The following GTF3C2 variants were observed in gnomAD, a reference collection of about 807,000 sequenced individuals.
GTF3C2 encodes general transcription factor IIIC subunit 2.
A neutral mutation model predicts 117.4 loss-of-function variants in GTF3C2; 17 were observed. That is an observed-to-expected ratio of 0.14 (90% CI 0.10 to 0.22). GTF3C2 has a LOEUF of 0.22. Among genes scored for constraint, GTF3C2 ranks in the 10% least tolerant of loss-of-function variants. The pLI is 1.00. For missense variants in GTF3C2, 888 were observed against 1,143.6 expected, an observed-to-expected ratio of 0.78 and a Z score of 3.22; for synonymous variants, 437 against 427.0, an observed-to-expected ratio of 1.02 and a Z score of -0.29.
exon 8 of GTF3C2, chr2:27,336,267 A>G (rs1184173554): frequency 1.2e-6 from 2 of 1,614,158 alleles, no homozygotes; most frequent in Non-Finnish European, 1.7e-6. Context: ...AAGCTGGCTC[A>G]GTGGGTGTGT....
chr2:27,338,123 C>T, intron 4 of GTF3C2, 103 bp from the exon 5 acceptor site: 1 of 767,606 alleles, frequency 1.3e-6, no homozygotes, highest in Non-Finnish European at 2.4e-6. Context: ...GGCAATACCT[C>T]CCCCTCCAAT....
intron 7 of GTF3C2, chr2:27,336,882 T>C (rs368760202): frequency 2.0e-5 from 5 of 245,556 alleles, no homozygotes; most frequent in South Asian, 1.4e-4. Flanking sequence ...AGTGCTGAGA[T>C]TACAGGTGTG....
At chr2:27,353,204 C>T (rs1158285618) in intron 1 of GTF3C2, among the ~76,000 whole-genome samples, 1 of 151,980 alleles carries the variant, frequency 6.6e-6, no homozygotes, top group East Asian at 1.9e-4. Flanking sequence ...ACCATCCTGG[C>T]CAACATGGTG....
chr2:27,347,578 A>G (rs1558622604), intron 1 of GTF3C2, among the ~76,000 whole-genome samples: 1 of 152,238 alleles, frequency 6.6e-6, no homozygotes, highest in African/African-American at 2.4e-5. Flanking sequence ...GCATATACCG[A>G]AAGAAAAGGA....
At chr2:27,335,003 T>C (rs1680409325) in intron 10 of GTF3C2, among the ~76,000 whole-genome samples, 2 of 152,136 alleles carry the variant, frequency 1.3e-5, no homozygotes, top group Admixed American at 1.3e-4. Flanking sequence ...TCTGACCTTC[T>C]ATTACCTCCT....
intron 1 of GTF3C2, chr2:27,350,675 G>T: frequency 6.1e-6 from 1 of 163,706 alleles, no homozygotes; most frequent in South Asian, 2.0e-4. Context: ...GGCTGGGTGC[G>T]GTGGCTCATG....
chr2:27,347,925 G>A (rs1426142951), intron 1 of GTF3C2, among the ~76,000 whole-genome samples: 1 of 152,038 alleles, frequency 6.6e-6, no homozygotes, highest in Non-Finnish European at 1.5e-5. Context: ...CTTGAGCCCA[G>A]GAGTTTGAGA....
chr2:27,355,730 C>T (rs1681349061), intron 1 of GTF3C2, among the ~76,000 whole-genome samples: 1 of 152,124 alleles, frequency 6.6e-6, no homozygotes, highest in South Asian at 2.1e-4. Flanking sequence ...CAACACTGCA[C>T]CTTAAGTATG....
intron 1 of GTF3C2, among the ~76,000 whole-genome samples, chr2:27,351,768 G>A (rs1372559960): frequency 6.6e-6 from 1 of 152,182 alleles, no homozygotes; most frequent in African/African-American, 2.4e-5. Context: ...AGGCTCTCAA[G>A]TGGAAGTTGC....
intron 10 of GTF3C2, among the ~76,000 whole-genome samples, chr2:27,334,438 T>C (rs1278473891): frequency 2.6e-5 from 4 of 152,094 alleles, no homozygotes; most frequent in Non-Finnish European, 4.4e-5. Flanking sequence ...TCTCATCCTC[T>C]AGCACCTTTT....
intron 1 of GTF3C2, among the ~76,000 whole-genome samples, chr2:27,346,645 T>C (rs1418073121): frequency 6.6e-6 from 1 of 152,000 alleles, no homozygotes; most frequent in African/African-American, 2.4e-5. Flanking sequence ...AATGCTGGGA[T>C]TACAGGCATA....
intron 15 of GTF3C2, 97 bp from the exon 16 acceptor site, chr2:27,328,693 A>C (rs1342897663): frequency 1.7e-6 from 2 of 1,192,868 alleles, no homozygotes; most frequent in Non-Finnish European, 2.4e-6. Flanking sequence ...CACAAACAAA[A>C]ATGAGTTTAC....
Position 27,346,876 on chromosome 2 carries a change from T to G in GTF3C2, c.-24-3298A>C, listed in dbSNP as rs1680936098. Among the ~76,000 whole-genome samples, 3 of 152,098 alleles carry G rather than the reference T, an allele frequency of 2.0e-5. 1 individual carries two copies. The South Asian group carries it at 6.2e-4, about 32-fold the overall frequency. On this transcript the variant is annotated intron_variant, in intron 1 of 18. Transcript: ENST00000264720. ...CGCCCAGATACGTTTTTAATTTTTT[T>G]GTGCAGATTGGGTCTTGCTATTTTG... is the stretch of plus-strand genomic sequence containing the variant.
exon 2 of GTF3C2, chr2:27,343,362 C>G: frequency 1.2e-6 from 2 of 1,614,050 alleles, no homozygotes; most frequent in Non-Finnish European, 1.7e-6. Flanking sequence ...CTCCTCTGAT[C>G]AGGAGAATCC....
Position 27,337,927 on chromosome 2 carries a change from A to G in GTF3C2, c.949T>C (p.Phe317Leu), listed in dbSNP as rs1223555893. The change falls in exon 5 of 19, where the codon TTC (phenylalanine) becomes CTC (leucine). Residue 317 changes from phenylalanine (F) to leucine (L), a missense_variant and splice_region_variant. Physicochemically the swap from Phe to Leu is conservative, Grantham distance 22. This residue lies in a region of GTF3C2 where 393 missense variants were observed against 401.5 expected (regional missense o/e 0.98). Transcript: ENST00000264720. ...CAGCCCCCTGTCCCCAAGTCTCACA[A>G]GTCCTTGGTGAGATGGAGGCACTTC... The G allele has an allele frequency of 6.3e-6, 10 of 1,579,962 alleles. No homozygotes were observed. In the African/African-American group the frequency reaches 8.1e-5, roughly 13 times the overall value.
chr2:27,346,012 GCCA>G (rs968554223), intron 1 of GTF3C2, among the ~76,000 whole-genome samples: 23 of 133,762 alleles, frequency 1.7e-4, no homozygotes, highest in Admixed American at 1.6e-4. Context: ...ACTGTGCCCC[GCCA>G]CTTTTTTTTT....
At chr2:27,332,425 T>G (rs1680306975) in intron 12 of GTF3C2, among the ~76,000 whole-genome samples, 1 of 151,996 alleles carries the variant, frequency 6.6e-6, no homozygotes, top group Non-Finnish European at 1.5e-5. Flanking sequence ...ATTTTTAGTT[T>G]TTTTTTTGAG....
chr2:27,344,872 C>T (rs1178624276), intron 1 of GTF3C2, among the ~76,000 whole-genome samples: 1 of 152,072 alleles, frequency 6.6e-6, no homozygotes, highest in African/African-American at 2.4e-5. Context: ...GTAGTCCCAG[C>T]TACTTGGAAG....
At chr2:27,342,128 C>G in exon 4 of GTF3C2, 1 of 1,614,146 alleles carries the variant, frequency 6.2e-7, no homozygotes, top group South Asian at 1.1e-5. Flanking sequence ...GCCGGATCTT[C>G]TTCGGTTTGG....
Sources: allele counts gnomAD v4.1 joint callset (sites outside exome capture counted in the v4.1 genomes callset), GRCh38; gene constraint gnomAD v4.1.1; regional missense constraint gnomAD v4.1.1; transcripts MANE v1.5; gene names NCBI Gene and HGNC (gene_info 2026-07-23, HGNC 2026-07-21).